Variants in PACSIN2 observed in about 807,000 individuals in gnomAD.
PACSIN2 encodes protein kinase C and casein kinase substrate in neurons protein 2.
In PACSIN2, 25 loss-of-function variants were observed where a neutral mutation model predicts 63.8. That is an observed-to-expected ratio of 0.39 (90% CI 0.29 to 0.55). PACSIN2 has a LOEUF of 0.55. PACSIN2 is among the 20% of genes least tolerant of loss of function. The pLI is 0.62. For synonymous variants in PACSIN2, 255 were observed against 256.2 expected (o/e 1.00, Z 0.05); for missense variants, 518 against 646.9 (o/e 0.80, Z 2.16).
chr22:42,890,953 C>T lies in PACSIN2; in HGVS notation c.447G>A (p.Leu149=). 1.2e-6 allele frequency: 2 copies of T among 1,613,924 alleles called. No homozygotes were observed. Among genetic ancestry groups the T allele is most frequent in the Non-Finnish European group, 8.5e-7 (1 of 1,179,852 alleles). ...GCCTGCAGGACAGATGTACCTCTTT[C>T]AGCTTCTTGGCCCAGGGCTTCTGTG... ...RKAQKPWAKK[L]KEVEAAKKAH... The change falls in exon 4 of 11, where the codon CTG becomes CTA. Residue 149 remains leucine (L), a synonymous_variant. Transcript: ENST00000263246.
intron 1 of PACSIN2, among the ~76,000 whole-genome samples, chr22:42,984,984 G>C (rs940598756): frequency 6.6e-6 from 1 of 152,150 alleles, no homozygotes; most frequent in Non-Finnish European, 1.5e-5. Flanking sequence ...TGTTCTGTTT[G>C]GCAACCAAAG....
intron 1 of PACSIN2, among the ~76,000 whole-genome samples, chr22:42,983,775 C>T (rs1018840136): frequency 6.6e-6 from 1 of 150,926 alleles, no homozygotes; most frequent in African/African-American, 2.4e-5. Flanking sequence ...TTTTTACATC[C>T]CTAAACTATG....
intron 1 of PACSIN2, among the ~76,000 whole-genome samples, chr22:42,977,261 T>A (rs944296672): frequency 1.4e-4 from 21 of 151,956 alleles, no homozygotes. Flanking sequence ...ATAGAAACAA[T>A]AGCTGGGGAC....
intron 1 of PACSIN2, among the ~76,000 whole-genome samples, chr22:42,972,349 C>T (rs1921388929): frequency 6.6e-6 from 1 of 152,160 alleles, no homozygotes; most frequent in African/African-American, 2.4e-5. Context: ...AGCTCCAGTA[C>T]CCAGGGACAT....
At chr22:42,941,728 T>A (rs966014560) in intron 1 of PACSIN2, among the ~76,000 whole-genome samples, 5 of 152,222 alleles carry the variant, frequency 3.3e-5, no homozygotes, top group African/African-American at 1.2e-4. Flanking sequence ...GCTCATTTTT[T>A]AAACTGGTGT....
At chr22:42,974,956 C>T (rs549637764) in intron 1 of PACSIN2, among the ~76,000 whole-genome samples, 39 of 152,278 alleles carry the variant, frequency 2.6e-4, no homozygotes, top group Admixed American at 7.2e-4. Context: ...GATATCTCCT[C>T]TGCAGACCCA....
chr22:42,980,439 G>C (rs1398399670), intron 1 of PACSIN2, among the ~76,000 whole-genome samples: 1 of 150,952 alleles, frequency 6.6e-6, no homozygotes, highest in African/African-American at 2.5e-5. Flanking sequence ...GCGACAGAGA[G>C]AGACCCTCCC....
intron 3 of PACSIN2, 57 bp downstream of exon 3, chr22:42,893,400 C>A: frequency 1.3e-6 from 2 of 1,559,706 alleles, no homozygotes; most frequent in Non-Finnish European, 8.8e-7. Context: ...GTGCCCAGAG[C>A]CCCCGGCTGG....
chr22:42,911,674 G>C (rs149653088), intron 2 of PACSIN2, among the ~76,000 whole-genome samples: 2 of 152,134 alleles, frequency 1.3e-5, no homozygotes, highest in African/African-American at 4.8e-5. Flanking sequence ...AAAGTGCCTC[G>C]TAGGATAAGC....
At chr22:42,907,049 CT>C (rs1385322742) in intron 2 of PACSIN2, among the ~76,000 whole-genome samples, 3 of 152,146 alleles carry the variant, frequency 2.0e-5, no homozygotes, top group Admixed American at 1.3e-4. Context: ...CCCAGAGCAG[CT>C]CCCTAGGAAG....
chr22:42,902,550 C>T (rs929139657), intron 2 of PACSIN2, among the ~76,000 whole-genome samples: 14 of 152,150 alleles, frequency 9.2e-5, no homozygotes, highest in South Asian at 2.1e-4. Flanking sequence ...ACTGAGAAGT[C>T]GCTGAGATCT....
intron 5 of PACSIN2, among the ~76,000 whole-genome samples, chr22:42,885,369 C>T (rs943262371): frequency 2.6e-5 from 4 of 152,088 alleles, no homozygotes; most frequent in South Asian, 2.1e-4. Flanking sequence ...GGATCATGGT[C>T]GTGTTGTCCC....
intron 1 of PACSIN2, among the ~76,000 whole-genome samples, chr22:42,950,785 G>A: frequency 6.6e-6 from 1 of 152,194 alleles, no homozygotes; most frequent in East Asian, 1.9e-4. Flanking sequence ...TCAATGAAAT[G>A]TAATGCAGCC....
chr22:42,907,901 C>A (rs191716023), intron 2 of PACSIN2, among the ~76,000 whole-genome samples: 1 of 152,192 alleles, frequency 6.6e-6, no homozygotes, highest in East Asian at 1.9e-4. Flanking sequence ...GGTGTTCTCA[C>A]GTGATGAGCT....
At position 42,901,487 on chromosome 22, in the gene PACSIN2, C is replaced by T. The variant is rs538912150; in HGVS notation, c.61-7874G>A. On this transcript the variant is annotated intron_variant, in intron 2 of 10. Transcript: ENST00000263246. Reference sequence around the variant, plus strand: ...CCTTCACCTGCTCTCATGAGGGGAGCAGCACAGATCTGGCCCTGCCCCAAA... The same window carrying T: ...CCTTCACCTGCTCTCATGAGGGGAGTAGCACAGATCTGGCCCTGCCCCAAA... 2.0e-4 allele frequency among the ~76,000 whole-genome samples: 31 copies of T among 152,356 alleles called. No homozygotes were observed. The South Asian group carries it at 6.4e-3, about 32-fold the overall frequency.
chr22:42,895,965 G>A (rs564929662), intron 2 of PACSIN2, among the ~76,000 whole-genome samples: 2 of 152,300 alleles, frequency 1.3e-5, no homozygotes, highest in South Asian at 4.1e-4. Flanking sequence ...CCACTTCCCT[G>A]GGCAAAGCAC....
At chr22:42,938,730 TG>T (rs1212402932) in intron 1 of PACSIN2, among the ~76,000 whole-genome samples, 4 of 152,186 alleles carry the variant, frequency 2.6e-5, no homozygotes, top group African/African-American at 9.7e-5. Context: ...CCACTCCACC[TG>T]GAGCTCCACG....
chr22:42,936,307 G>A (rs1932916727), intron 1 of PACSIN2, among the ~76,000 whole-genome samples: 1 of 152,010 alleles, frequency 6.6e-6, no homozygotes, highest in Non-Finnish European at 1.5e-5. Flanking sequence ...CTTAGATCAT[G>A]CGGGGAAATA....
At chr22:42,962,302 T>C (rs1002200578) in intron 1 of PACSIN2, among the ~76,000 whole-genome samples, 1 of 152,186 alleles carries the variant, frequency 6.6e-6, no homozygotes, top group African/African-American at 2.4e-5. Flanking sequence ...AATAAACATT[T>C]ACACAGCACT....
Sources: gnomAD v4.1 joint callset for allele counts (sites outside exome capture counted in the v4.1 genomes callset) on GRCh38, gnomAD v4.1.1 for gene constraint, MANE v1.5 for transcripts, NCBI Gene and HGNC (gene_info 2026-07-23, HGNC 2026-07-21) for gene names.